Variants in TAFA2 observed in about 807,000 individuals in gnomAD.
The protein encoded by TAFA2 is TAFA chemokine like family member 2.
Under a neutral mutation model 18.8 loss-of-function variants are expected in TAFA2, and 7 were observed. The ratio of observed to expected loss-of-function variants is 0.37; its 90% CI spans 0.21 to 0.70. The LOEUF (loss-of-function observed/expected upper bound fraction) is 0.70, where lower values mean the gene tolerates loss of function less well. Ranked by LOEUF, TAFA2 falls within the 30% of genes least tolerant of loss-of-function variation. The pLI is 0.53. For synonymous variants in TAFA2, 60 were observed against 54.2 expected (o/e 1.11, Z -0.47); for missense variants, 122 against 158.1 (o/e 0.77, Z 1.23).
chr12:62,065,119 G>A (rs1882451908), intron 1 of TAFA2, among the ~76,000 whole-genome samples: 1 of 151,862 alleles, frequency 6.6e-6, no homozygotes, highest in Non-Finnish European at 1.5e-5. Context: ...TTCCTCCAAG[G>A]AATTTAGTTC....
intron 4 of TAFA2, among the ~76,000 whole-genome samples, chr12:61,719,513 C>T (rs1218501105): frequency 3.3e-5 from 5 of 152,112 alleles, no homozygotes; most frequent in African/African-American, 4.8e-5. Flanking sequence ...GACTGCATCC[C>T]CAACCAACAG....
chr12:62,159,094 C>T (rs1194034136), intron 1 of TAFA2, among the ~76,000 whole-genome samples: 2 of 152,124 alleles, frequency 1.3e-5, no homozygotes, highest in African/African-American at 4.8e-5. Flanking sequence ...TTCTTCCTGT[C>T]CCATGGTATA....
intron 1 of TAFA2, among the ~76,000 whole-genome samples, chr12:62,008,568 A>T (rs900095782): frequency 4.6e-5 from 7 of 152,172 alleles, no homozygotes; most frequent in Non-Finnish European, 1.0e-4. Context: ...TCTAATTCTA[A>T]GTCTAATACC....
At chr12:62,153,214 G>A (rs1412513203) in intron 1 of TAFA2, among the ~76,000 whole-genome samples, 1 of 152,154 alleles carries the variant, frequency 6.6e-6, no homozygotes, top group African/African-American at 2.4e-5. Context: ...TACCCATGCA[G>A]GTGTTTGTCA....
intron 1 of TAFA2, among the ~76,000 whole-genome samples, chr12:62,160,944 AAATGAATGAATG>A (rs113504961): frequency 1.3e-5 from 2 of 152,146 alleles, no homozygotes; most frequent in South Asian, 2.1e-4. Flanking sequence ...GTGAACTGGA[AAATGAATGAATG>A]AATGAATGAA....
intron 1 of TAFA2, among the ~76,000 whole-genome samples, chr12:61,915,986 A>C (rs987529590): frequency 1.3e-5 from 2 of 152,338 alleles, no homozygotes; most frequent in African/African-American, 2.4e-5. Flanking sequence ...ATGTAAATCA[A>C]GTCAGAGTTT....
At chr12:61,929,381 G>T (rs1877452742) in intron 1 of TAFA2, among the ~76,000 whole-genome samples, 1 of 152,108 alleles carries the variant, frequency 6.6e-6, no homozygotes, top group Non-Finnish European at 1.5e-5. Context: ...AGACATTTAT[G>T]CAGCCAAAAG....
At chr12:62,144,481 A>T (rs2062266857) in intron 1 of TAFA2, among the ~76,000 whole-genome samples, 1 of 152,150 alleles carries the variant, frequency 6.6e-6, no homozygotes, top group Admixed American at 6.5e-5. Flanking sequence ...ATCCAAATCT[A>T]GTTGTATATT....
At chr12:61,770,951 G>A (rs1442934801) in intron 2 of TAFA2, among the ~76,000 whole-genome samples, 44 of 152,012 alleles carry the variant, frequency 2.9e-4, no homozygotes, top group Admixed American at 2.9e-3. Flanking sequence ...ATGCAGAATG[G>A]CAGAATGGAT....
chr12:62,087,312 C>G (rs1400257603), intron 1 of TAFA2, among the ~76,000 whole-genome samples: 1 of 152,088 alleles, frequency 6.6e-6, no homozygotes, highest in Non-Finnish European at 1.5e-5. Flanking sequence ...ATTATGTACA[C>G]TTTACCACGG....
At chr12:62,085,670 T>C (rs185855997) in intron 1 of TAFA2, among the ~76,000 whole-genome samples, 48 of 152,298 alleles carry the variant, frequency 3.2e-4, no homozygotes, top group Admixed American at 1.1e-3. Flanking sequence ...AAATATTTCA[T>C]TGGAATTATA....
At chr12:61,902,170 C>A (rs1592472217) in intron 1 of TAFA2, among the ~76,000 whole-genome samples, 1 of 150,278 alleles carries the variant, frequency 6.7e-6, no homozygotes, top group African/African-American at 2.5e-5. Context: ...ACCTGTTACA[C>A]CGAGGCTGTC....
chr12:61,908,545 G>T (rs180927300), intron 1 of TAFA2, among the ~76,000 whole-genome samples: 34 of 152,166 alleles, frequency 2.2e-4, no homozygotes, highest in African/African-American at 8.2e-4. Flanking sequence ...TTAGCAGCAT[G>T]AGAACGGACT....
intron 2 of TAFA2, among the ~76,000 whole-genome samples, chr12:61,829,936 T>C (rs1311280112): frequency 2.0e-5 from 3 of 151,712 alleles, no homozygotes; most frequent in Non-Finnish European, 4.4e-5. Flanking sequence ...TTATTTTATA[T>C]CACAAACAAT....
intron 1 of TAFA2, among the ~76,000 whole-genome samples, chr12:61,919,098 A>G (rs1876942214): frequency 6.6e-6 from 1 of 152,106 alleles, no homozygotes. Flanking sequence ...TTTGTTTTTC[A>G]TTTTTACAAT....
At chr12:62,028,263 A>G (rs1234002322) in intron 1 of TAFA2, among the ~76,000 whole-genome samples, 1 of 152,056 alleles carries the variant, frequency 6.6e-6, no homozygotes, top group African/African-American at 2.4e-5. Context: ...CTGAGTTAGG[A>G]TCAATAACCT....
chr12:62,031,316 C>T (rs778044803), intron 1 of TAFA2, among the ~76,000 whole-genome samples: 4 of 152,054 alleles, frequency 2.6e-5, no homozygotes, highest in Non-Finnish European at 5.9e-5. Context: ...ACTGGCCTAG[C>T]CTCCCAGCCT....
At chr12:61,805,609 C>T (rs1442635054) in intron 2 of TAFA2, among the ~76,000 whole-genome samples, 1 of 151,948 alleles carries the variant, frequency 6.6e-6, no homozygotes, top group African/African-American at 2.4e-5. Flanking sequence ...TTAAGTAATT[C>T]CTTTGTGCAG....
intron 4 of TAFA2, among the ~76,000 whole-genome samples, chr12:61,752,652 G>A (rs1433230169): frequency 6.6e-6 from 1 of 151,898 alleles, no homozygotes; most frequent in Non-Finnish European, 1.5e-5. Context: ...TTCTGTGTAT[G>A]TCTGATCAGT....
Sources: gnomAD v4.1 joint callset for allele counts (sites outside exome capture counted in the v4.1 genomes callset) on GRCh38, gnomAD v4.1.1 for gene constraint, MANE v1.5 for transcripts, NCBI Gene and HGNC (gene_info 2026-07-23, HGNC 2026-07-21) for gene names.